Variants in ELMO1 observed in about 807,000 individuals in gnomAD.
ELMO1 encodes the protein engulfment and cell motility protein 1.
In ELMO1, 26 loss-of-function variants were observed where a neutral mutation model predicts 98.9. The observed-to-expected ratio is 0.26, with a 90% CI of 0.19 to 0.36. The LOEUF is 0.36. ELMO1 is among the 10% of genes least tolerant of loss of function. The pLI is 1.00. For missense variants in ELMO1, 627 were observed against 935.2 expected (o/e 0.67, Z 4.30); for synonymous variants, 346 against 346.0 (o/e 1.00, Z 0.00).
intron 5 of ELMO1, among the ~76,000 whole-genome samples, chr7:37,268,657 G>A (rs1431800714): frequency 5.3e-5 from 8 of 152,176 alleles, no homozygotes; most frequent in Non-Finnish European, 1.2e-4. Context: ...AGATACGCTT[G>A]TTTAACACGG....
intron 17 of ELMO1, among the ~76,000 whole-genome samples, chr7:36,889,163 A>G (rs1405065533): frequency 6.6e-6 from 1 of 152,212 alleles, no homozygotes; most frequent in East Asian, 1.9e-4. Flanking sequence ...CCATTAATAC[A>G]TTTTTTGAGG....
At chr7:37,256,553 AGG>A (rs534428175) in intron 6 of ELMO1, among the ~76,000 whole-genome samples, 4 of 40,646 alleles carry the variant, frequency 9.8e-5, no homozygotes, top group African/African-American at 8.7e-4. Context: ...GAAGGAAGAA[AGG>A]AAGGAAGGAA....
At position 37,120,534 on chromosome 7, in the gene ELMO1, T is replaced by C. The variant is rs535965958; in HGVS notation, c.1191+12596A>G. On this transcript the variant is annotated intron_variant, in intron 14 of 21. Transcript: ENST00000310758. Reference sequence around the variant, plus strand: ...CACAGAGCCTTGCTTGTTGCTAGCATAGCAGTCTGAGATCAAACTTCAACG... The same window carrying C: ...CACAGAGCCTTGCTTGTTGCTAGCACAGCAGTCTGAGATCAAACTTCAACG... Among the ~76,000 whole-genome samples, 8 of 152,312 alleles carry C rather than the reference T, an allele frequency of 5.3e-5. No individual in the cohort carries two copies. The South Asian group carries it at 1.4e-3, about 28-fold the overall frequency.
intron 13 of ELMO1, among the ~76,000 whole-genome samples, chr7:37,167,415 T>C (rs559391744): frequency 1.3e-5 from 2 of 152,154 alleles, no homozygotes; most frequent in East Asian, 3.9e-4. Context: ...CGTTAGTTGA[T>C]GCAGTTTCTT....
At chr7:37,106,559 A>G (rs1784957774) in intron 14 of ELMO1, among the ~76,000 whole-genome samples, 1 of 152,132 alleles carries the variant, frequency 6.6e-6, no homozygotes, top group Non-Finnish European at 1.5e-5. Context: ...TATTGTTTAT[A>G]ACTTACCCAG....
At chr7:36,881,376 T>C (rs988528645) in intron 18 of ELMO1, among the ~76,000 whole-genome samples, 9 of 152,206 alleles carry the variant, frequency 5.9e-5, no homozygotes, top group Non-Finnish European at 1.3e-4. Flanking sequence ...TGCAGTTTCT[T>C]TTACGGCAAG....
intron 1 of ELMO1, among the ~76,000 whole-genome samples, chr7:37,447,045 A>C (rs530975619): frequency 6.6e-6 from 1 of 152,316 alleles, no homozygotes; most frequent in South Asian, 2.1e-4. Flanking sequence ...TGCTTGAAAC[A>C]ACCTTGGAAA....
intron 16 of ELMO1, among the ~76,000 whole-genome samples, chr7:36,963,982 C>G (rs1789187209): frequency 6.6e-6 from 1 of 152,140 alleles, no homozygotes; most frequent in African/African-American, 2.4e-5. Context: ...CTTTAGATCC[C>G]ATGAAAACTA....
chr7:37,188,898 C>G (rs1326695445), intron 13 of ELMO1, among the ~76,000 whole-genome samples: 2 of 147,010 alleles, frequency 1.4e-5, no homozygotes, highest in African/African-American at 4.9e-5. Context: ...CAAGTTTCAT[C>G]ATTGCTGCAG....
At chr7:36,918,058 C>A (rs1353362417) in intron 16 of ELMO1, among the ~76,000 whole-genome samples, 2 of 152,074 alleles carry the variant, frequency 1.3e-5, no homozygotes, top group Non-Finnish European at 2.9e-5. Flanking sequence ...TAAAGACATT[C>A]ATTTTAGTTC....
chr7:37,349,548 G>C (rs1801164135), intron 1 of ELMO1, among the ~76,000 whole-genome samples: 1 of 152,066 alleles, frequency 6.6e-6, no homozygotes, highest in Admixed American at 6.6e-5. Context: ...CCGCCCCCCG[G>C]GTTCAAGTGA....
At chr7:37,351,919 G>C (rs1463936611) in intron 1 of ELMO1, among the ~76,000 whole-genome samples, 1 of 152,210 alleles carries the variant, frequency 6.6e-6, no homozygotes, top group Non-Finnish European at 1.5e-5. Context: ...TTTCCTCTGT[G>C]GGACTGCTAT....
At chr7:37,401,293 G>T (rs1282346228) in intron 1 of ELMO1, among the ~76,000 whole-genome samples, 1 of 152,090 alleles carries the variant, frequency 6.6e-6, no homozygotes, top group Admixed American at 6.6e-5. Context: ...ATGGGTTCAG[G>T]ACCTACCACC....
chr7:37,114,925 T>C (rs1785484009), intron 14 of ELMO1, among the ~76,000 whole-genome samples: 2 of 150,602 alleles, frequency 1.3e-5, no homozygotes, highest in South Asian at 4.2e-4. Context: ...GAAAGAAGAG[T>C]CAACTTTATG....
At chr7:36,999,126 G>A (rs1792442940) in intron 16 of ELMO1, among the ~76,000 whole-genome samples, 1 of 152,060 alleles carries the variant, frequency 6.6e-6, no homozygotes, top group Non-Finnish European at 1.5e-5. Flanking sequence ...AGGAGGGAGG[G>A]TGGTGAGTGC....
At chr7:36,972,121 TTCACTTGGTCCTCCAAG>T (rs1395216988) in intron 16 of ELMO1, among the ~76,000 whole-genome samples, 1 of 152,188 alleles carries the variant, frequency 6.6e-6, no homozygotes, top group Non-Finnish European at 1.5e-5. Context: ...ATGTTATTAA[TTCACTTGGTCCTCCAAG>T]TAATCTAAGA....
At chr7:37,061,788 G>A (rs1796681530) in intron 15 of ELMO1, among the ~76,000 whole-genome samples, 1 of 152,172 alleles carries the variant, frequency 6.6e-6, no homozygotes, top group African/African-American at 2.4e-5. Flanking sequence ...TACTCATGGG[G>A]TTTTCTCTAT....
chr7:37,017,721 C>A (rs573593876), intron 15 of ELMO1, among the ~76,000 whole-genome samples: 2 of 152,132 alleles, frequency 1.3e-5, no homozygotes, highest in Non-Finnish European at 2.9e-5. Flanking sequence ...GACACCACAG[C>A]AAATGGAATT....
chr7:37,102,608 G>GA (rs1784699570), intron 14 of ELMO1, among the ~76,000 whole-genome samples: 1 of 152,216 alleles, frequency 6.6e-6, no homozygotes, highest in Admixed American at 6.5e-5. Context: ...AACATTTATA[G>GA]AAAGCATTTC....
Sources: gnomAD v4.1 joint callset for allele counts (sites outside exome capture counted in the v4.1 genomes callset) on GRCh38, gnomAD v4.1.1 for gene constraint, MANE v1.5 for transcripts, NCBI Gene and HGNC (gene_info 2026-07-23, HGNC 2026-07-21) for gene names.